NKX2-2: variants seen among roughly 807,000 people sequenced by gnomAD.
The protein encoded by NKX2-2 is NK2 homeobox 2, also known as homeobox protein Nkx-2.2.
NKX2-2 carries 8 observed loss-of-function variants against 24.6 expected under a neutral mutation model. That is an observed-to-expected ratio of 0.32 (90% CI 0.19 to 0.59). The LOEUF is 0.59. Among genes scored for constraint, NKX2-2 ranks in the 20% least tolerant of loss-of-function variants. NKX2-2 has a pLI of 0.86. For missense variants in NKX2-2, 381 were observed against 373.9 expected, an observed-to-expected ratio of 1.02 and a Z score of -0.16; for synonymous variants, 217 against 173.3, an observed-to-expected ratio of 1.25 and a Z score of -1.98.
chr20:21,520,514 T>A, the NKX2-2 span, among the ~76,000 whole-genome samples: 1 of 152,200 alleles, frequency 6.6e-6, no homozygotes, highest in Admixed American at 6.5e-5. Context: ...ATGAGATCTT[T>A]AAAAATGCAT....
the NKX2-2 span, among the ~76,000 whole-genome samples, chr20:21,519,245 CT>C: frequency 6.6e-6 from 1 of 152,182 alleles, no homozygotes; most frequent in South Asian, 2.1e-4. Flanking sequence ...AAAGAAACTC[CT>C]TTCCTGGTAC....
Position 21,512,023 on chromosome 20 carries a change from G to T in NKX2-2, c.722C>A (p.Ser241Ter). 6.2e-7 allele frequency: 1 copy of T among 1,613,586 alleles called. No individual in the cohort carries two copies. ...GGCGTTGTACTGCATGTGCTGCAGCGACTGCGCGCTGTAGGCAGAAAAGGG... is the reference window on the plus strand; with the variant it reads ...GGCGTTGTACTGCATGTGCTGCAGCTACTGCGCGCTGTAGGCAGAAAAGGG... ...GIPFSAYSAQ[S>*]LQHMQYNAQY... is the part of the protein sequence containing the mutation. Residue 241 changes from serine to a stop codon, truncating the protein, a stop_gained, in exon 2 of 2, where the codon TCG becomes TAG. Coordinates refer to ENST00000377142, the MANE Select transcript of NKX2-2 (RefSeq NM_002509.4). LOFTEE classifies it high-confidence loss of function.
upstream of NKX2-2, among the ~76,000 whole-genome samples, chr20:21,518,118 A>T (rs1980686735): frequency 6.6e-6 from 1 of 152,180 alleles, no homozygotes; most frequent in Non-Finnish European, 1.5e-5. Flanking sequence ...GGCACTCTGC[A>T]AGATGCCTCG....
At chr20:21,519,178 A>C in the NKX2-2 span, among the ~76,000 whole-genome samples, 1 of 152,202 alleles carries the variant, frequency 6.6e-6, no homozygotes, top group East Asian at 1.9e-4. Flanking sequence ...TGGAAACACT[A>C]ATTTGTTTGA....
At chr20:21,514,861 A>G (rs1338263208), upstream of NKX2-2, among the ~76,000 whole-genome samples, 2 of 152,182 alleles carry the variant, frequency 1.3e-5, no homozygotes, top group African/African-American at 4.8e-5. Context: ...AACCCAGGAG[A>G]GAGCTCCGCT....
intron 1 of NKX2-2, 118 bp from the exon 2 acceptor site, chr20:21,512,603 A>G (rs1279498373): frequency 2.6e-6 from 2 of 760,574 alleles, no homozygotes; most frequent in African/African-American, 1.8e-5. Flanking sequence ...CTGGCAGCCC[A>G]GCCCCGCTGC....
At position 21,512,299 on chromosome 20, in the gene NKX2-2, T is replaced by A; in HGVS notation, c.446A>T (p.Gln149Leu). Residue 149 changes from glutamine (Q) to leucine (L), a missense_variant, in exon 2 of 2, where the codon CAG becomes CTG. Gln to Leu is a moderately radical substitution (Grantham distance 113, BLOSUM62 -2). Transcript: ENST00000377142. ...QTYELERRFR[Q>L]QRYLSAPERE... ...CTCGGGCGCCGACAGGTACCGCTGC[T>A]GCCGAAAGCGCCGCTCCAGCTCGTA... 2 of 1,613,664 alleles carry A rather than the reference T, an allele frequency of 1.2e-6. No homozygotes were observed. Among genetic ancestry groups the A allele is most frequent in the Non-Finnish European group, 1.7e-6 (2 of 1,179,922 alleles).
intron 1 of NKX2-2, 39 bp from the exon 2 acceptor site, chr20:21,512,524 G>A (rs1245178946): frequency 7.0e-7 from 1 of 1,436,980 alleles, no homozygotes; most frequent in Admixed American, 2.3e-5. Flanking sequence ...CAGGCGTCTG[G>A]AGGCCGCGCG....
chr20:21,512,069 C>T lies in NKX2-2; in HGVS notation c.676G>A (p.Ala226Thr). The change falls in exon 2 of 2, where the codon GCC (alanine) becomes ACC (threonine). Residue 226 changes from alanine (A) to threonine (T), a missense_variant. This residue lies in a region of NKX2-2 where 139 missense variants were observed against 121.7 expected (regional missense o/e 1.14). Transcript: ENST00000377142. ...AAGGGAATGCCCGCCTGGAAGGTGG[C>T]GGCTGCCAGGTCCTGGGCTTTGAGC... The part of the protein sequence containing the change: ...HALKAQDLAA[A>T]TFQAGIPFSA... 6.2e-7 allele frequency: 1 copy of T among 1,613,816 alleles called. No individual in the cohort carries two copies. The highest frequency in any genetic ancestry group is 1.1e-5 in the South Asian group (1 of 91,086).
chr20:21,521,134 G>A, the NKX2-2 span, among the ~76,000 whole-genome samples: 3 of 152,158 alleles, frequency 2.0e-5, no homozygotes, highest in South Asian at 6.2e-4. Flanking sequence ...TTGGGCCCTC[G>A]GGCACAGAGA....
chr20:21,517,866 G>T (rs1980680431), upstream of NKX2-2, among the ~76,000 whole-genome samples: 1 of 152,094 alleles, frequency 6.6e-6, no homozygotes, highest in Non-Finnish European at 1.5e-5. Flanking sequence ...CCGCACACCC[G>T]CAGGCTGAGA....
In NKX2-2 at chr20:21,513,415, G is replaced by A. The variant is rs375484118; in HGVS notation, c.255C>T (p.Tyr85=). 1.3e-6 allele frequency: 2 copies of A among 1,558,002 alleles called. No homozygotes were observed. The highest frequency in any genetic ancestry group is 1.7e-6 in the Non-Finnish European group (2 of 1,152,262). The change falls in exon 1 of 2, where the codon TAC becomes TAT. Residue 85 remains tyrosine, a synonymous_variant. Transcript: ENST00000377142. This position sits in a 1 kb window ranked among gnomAD's most constrained non-coding sequence, Gnocchi z 4.6. ...CAGCCAAGTTTTGCTACTTACGGGA[G>A]TACTGAAGGCCCTCGGTGCTGGCCA... is the stretch of plus-strand genomic sequence containing the variant. ...RWLASTEGLQ[Y]SLHGLAAGAP...
At chr20:21,517,172 T>C (rs534171974), upstream of NKX2-2, among the ~76,000 whole-genome samples, 1 of 152,320 alleles carries the variant, frequency 6.6e-6, no homozygotes, top group Admixed American at 6.5e-5. Flanking sequence ...TTAGCCTCAA[T>C]GACCAGCCGA....
chr20:21,512,008 T>G lies in NKX2-2; in HGVS notation c.737A>C (p.Gln246Pro), dbSNP rs776365243. ...GGCCGAGCTGTACTGGGCGTTGTAC[T>G]GCATGTGCTGCAGCGACTGCGCGCT... ...AYSAQSLQHM[Q>P]YNAQYSSAST... The change falls in exon 2 of 2, where the codon CAG (glutamine) becomes CCG (proline). Residue 246 changes from glutamine to proline, a missense_variant. Gln to Pro is a moderately conservative substitution (Grantham distance 76). This residue lies in a region of NKX2-2 where 139 missense variants were observed against 121.7 expected (regional missense o/e 1.14). Coordinates refer to ENST00000377142, the MANE Select transcript of NKX2-2 (RefSeq NM_002509.4). The G allele has an allele frequency of 3.1e-6, 5 of 1,613,318 alleles. No homozygotes were observed. The Admixed American group carries it at 8.3e-5, about 27-fold the overall frequency.
chr20:21,513,516 C>G lies in NKX2-2; in HGVS notation c.154G>C (p.Ala52Pro). 5 of 1,613,042 alleles carry G rather than the reference C, an allele frequency of 3.1e-6. No individual in the cohort carries two copies. The highest frequency in any genetic ancestry group is 3.4e-6 in the Non-Finnish European group (4 of 1,179,534). The change falls in exon 1 of 2, where the codon GCC becomes CCC. Residue 52 changes from alanine (A) to proline (P), a missense_variant. Around this residue, in one of 3 missense-constraint regions of NKX2-2, gnomAD observed 206 missense variants for 173.1 expected, o/e 1.19. Coordinates refer to ENST00000377142, the MANE Select transcript of NKX2-2 (RefSeq NM_002509.4). The surrounding 1 kb of genome is among the most constrained non-coding windows in gnomAD (Gnocchi z 4.6). ...GGCAGGCTCTGCACCGCGTCCAGGG[C>G]GCCCTGCCCCAGCGGCCCGGCCCTC... ...AKRAGPLGQG[A>P]LDAVQSLPLK...
chr20:21,517,040 C>T (rs1980657777), upstream of NKX2-2, among the ~76,000 whole-genome samples: 1 of 152,232 alleles, frequency 6.6e-6, no homozygotes, highest in Non-Finnish European at 1.5e-5. Context: ...GAGAGGATTG[C>T]TTTCCTAGGG....
chr20:21,515,849 G>A (rs1980623446), upstream of NKX2-2, among the ~76,000 whole-genome samples: 1 of 152,186 alleles, frequency 6.6e-6, no homozygotes, highest in Non-Finnish European at 1.5e-5. Flanking sequence ...AGCGCTGGGT[G>A]AGGGCACCTC....
rs1404694029 is a variant in NKX2-2, at chr20:21,511,250, C to CAAAAACAAAAACA, written c.*660_*672dup. Reference sequence around the variant, plus strand: ...GAAAGGAAGAAAGCAGGGGAAAACGCAAAAACAAAAACAAAACAAAAAACA... The same window carrying CAAAAACAAAAACA: ...GAAAGGAAGAAAGCAGGGGAAAACGCAAAAACAAAAACAAAAAACAAAAACAAAACAAAAAACA... On this transcript the variant is annotated 3_prime_UTR_variant, in exon 2 of 2. Coordinates refer to ENST00000377142, the MANE Select transcript of NKX2-2 (RefSeq NM_002509.4). 2 of 44,430 alleles carry CAAAAACAAAAACA rather than the reference C, an allele frequency of 4.5e-5. No individual in the cohort carries two copies. The highest frequency in any genetic ancestry group is 8.7e-5 in the Non-Finnish European group (2 of 22,922). The allele number at this position is 44,430 out of a possible 1,614,324, so 2.8% of individuals were successfully genotyped here.
Position 21,513,873 on chromosome 20 carries a change from C to T in NKX2-2, c.-204G>A. On this transcript the variant is annotated 5_prime_UTR_variant, in exon 1 of 2. Transcript: ENST00000377142. This position sits in a 1 kb window ranked among gnomAD's most constrained non-coding sequence, Gnocchi z 4.6. ...GGGATGGGGAGGAAAAAAATGAAGCCCAACCCAGTGCCTCTCTCTGTCTTC... is the reference window on the plus strand; with the variant it reads ...GGGATGGGGAGGAAAAAAATGAAGCTCAACCCAGTGCCTCTCTCTGTCTTC... 2.2e-6 allele frequency: 1 copy of T among 447,970 alleles called. No individual in the cohort carries two copies. The highest frequency in any genetic ancestry group is 4.5e-5 in the South Asian group (1 of 22,344). 27.7% of individuals were successfully genotyped at this position (447,970 alleles called of 1,614,324 possible).
Sources: gnomAD v4.1 joint callset for allele counts (sites outside exome capture counted in the v4.1 genomes callset) on GRCh38, gnomAD v4.1.1 for gene constraint, gnomAD v4.1.1 regional missense constraint, Gnocchi (gnomAD v3.1) non-coding constraint, MANE v1.5 for transcripts, NCBI Gene and HGNC (gene_info 2026-07-23, HGNC 2026-07-21) for gene names.